The following GLE1 variants were observed in gnomAD, a reference collection of about 807,000 sequenced individuals.
The protein encoded by GLE1 is GLE1 RNA export mediator.
A neutral mutation model predicts 97.3 loss-of-function variants in GLE1; 78 were observed. The ratio of observed to expected loss-of-function variants is 0.80; its 90% CI spans 0.67 to 0.97. The LOEUF is 0.97. GLE1 is among the 50% of genes least tolerant of loss of function. The probability of loss-of-function intolerance (pLI) is 0.00; values close to 1 mark genes in which losing one functional copy is unlikely to be tolerated. For synonymous variants in GLE1, 302 were observed against 313.4 expected (o/e 0.96, Z 0.39); for missense variants, 753 against 857.5 (o/e 0.88, Z 1.52).
chr9:128,519,686 C>T (rs1179248363), intron 3 of GLE1, among the ~76,000 whole-genome samples: 1 of 152,128 alleles, frequency 6.6e-6, no homozygotes, highest in African/African-American at 2.4e-5. Flanking sequence ...GCGATCTCGC[C>T]CTGCCTCCAT....
Position 128,523,608 on chromosome 9 carries a change from T to C in GLE1, c.659T>C (p.Leu220Pro), listed in dbSNP as rs1847214355. 6.2e-7 allele frequency: 1 copy of C among 1,613,996 alleles called. No homozygotes were observed. Among genetic ancestry groups the C allele is most frequent in the Non-Finnish European group, 8.5e-7 (1 of 1,180,004 alleles). Residue 220 changes from leucine to proline, a missense_variant, in exon 6 of 16, where the codon CTG (leucine) becomes CCG (proline). Leu to Pro is a moderately conservative substitution (Grantham distance 98, BLOSUM62 -3). Transcript: ENST00000309971. Reference sequence around the variant, plus strand: ...TTTCTACAGATTCTCAACCTGAAGCTGCGGGAAGCAGAGCAGCAGCGCGTG... The same window carrying C: ...TTTCTACAGATTCTCAACCTGAAGCCGCGGGAAGCAGAGCAGCAGCGCGTG... ...RHRAKILNLK[L>P]REAEQQRVKQ...
chr9:128,517,518 G>A (rs1378724846), intron 3 of GLE1, among the ~76,000 whole-genome samples: 1 of 152,174 alleles, frequency 6.6e-6, no homozygotes, highest in South Asian at 2.1e-4. Flanking sequence ...GAAAGATGGT[G>A]GTTGCTTAGA....
chr9:128,541,857 C>A lies in GLE1; in HGVS notation c.*687C>A, dbSNP rs1390318142. On this transcript the variant is annotated 3_prime_UTR_variant, in exon 16 of 16. Coordinates refer to ENST00000309971, the MANE Select transcript of GLE1 (RefSeq NM_001003722.2). ...ATTTGGTCCCTGGATGGCTAGGGAT[C>A]CATGAACCAGGCAGGTACCTTTTTT... 1 of 152,186 alleles carries A rather than the reference C, an allele frequency of 6.6e-6. No individual in the cohort carries two copies. The highest frequency in any genetic ancestry group is 1.5e-5 in the Non-Finnish European group (1 of 68,064). 9.4% of individuals were successfully genotyped at this position (152,186 alleles called of 1,614,324 possible).
At chr9:128,524,331 C>T (rs923078968) in intron 6 of GLE1, among the ~76,000 whole-genome samples, 10 of 151,352 alleles carry the variant, frequency 6.6e-5, no homozygotes, top group Non-Finnish European at 8.8e-5. Flanking sequence ...CCCCCTACTT[C>T]GGCCTCCCAA....
chr9:128,505,498 T>G (rs1186509740), intron 1 of GLE1, among the ~76,000 whole-genome samples: 1 of 152,176 alleles, frequency 6.6e-6, no homozygotes, highest in Non-Finnish European at 1.5e-5. Flanking sequence ...AATCCTAAAG[T>G]ATTTCCCTGT....
At chr9:128,518,187 C>T (rs925661756) in intron 3 of GLE1, among the ~76,000 whole-genome samples, 9 of 150,740 alleles carry the variant, frequency 6.0e-5, no homozygotes, top group South Asian at 4.2e-4. Flanking sequence ...CTGTTAGTCA[C>T]GGTAGTCATA....
At position 128,527,366 on chromosome 9, in the gene GLE1, G is replaced by T. The variant is rs1217350964; in HGVS notation, c.1242+75G>T. On this transcript the variant is annotated intron_variant, in intron 8 of 15. Coordinates refer to ENST00000309971, the MANE Select transcript of GLE1 (RefSeq NM_001003722.2). ...AGAATGATCACTTCGTGTCCCAAAG[G>T]AATGTAGCTGGCATGTCACTTTACC... is the stretch of plus-strand genomic sequence containing the variant. 8 of 1,274,252 alleles carry T rather than the reference G, an allele frequency of 6.3e-6. No homozygotes were observed. In the African/African-American group the frequency reaches 1.0e-4, roughly 16 times the overall value. 78.9% of individuals were successfully genotyped at this position (1,274,252 alleles called of 1,614,324 possible).
At chr9:128,523,441 G>A (rs971017756) in intron 5 of GLE1, 101 bp downstream of exon 5, 50 of 1,374,746 alleles carry the variant, frequency 3.6e-5, no homozygotes, top group African/African-American at 5.7e-5. Context: ...GATCTGGGCC[G>A]TATTATGCCT....
intron 6 of GLE1, 93 bp downstream of exon 6, chr9:128,523,939 A>G: frequency 8.3e-7 from 1 of 1,207,158 alleles, no homozygotes; most frequent in South Asian, 1.3e-5. Context: ...AATACCTGCT[A>G]TCTGCTTATT....
At chr9:128,507,060 G>A (rs1846659809) in intron 1 of GLE1, among the ~76,000 whole-genome samples, 1 of 151,942 alleles carries the variant, frequency 6.6e-6, no homozygotes, top group Admixed American at 6.6e-5. Flanking sequence ...TCTGCCTCCA[G>A]TTCTGGAACT....
At position 128,542,052 on chromosome 9, in the gene GLE1, C is replaced by T. The variant is rs1847894374; in HGVS notation, c.*882C>T. 1 of 152,184 alleles carries T rather than the reference C, an allele frequency of 6.6e-6. No individual in the cohort carries two copies. The highest frequency in any genetic ancestry group is 1.5e-5 in the Non-Finnish European group (1 of 68,046). 9.4% of individuals were successfully genotyped at this position (152,184 alleles called of 1,614,324 possible). A position where few individuals can be genotyped will look rare whatever the true frequency, so the allele number is the denominator to read the frequency against. On this transcript the variant is annotated 3_prime_UTR_variant, in exon 16 of 16. Coordinates refer to ENST00000309971, the MANE Select transcript of GLE1 (RefSeq NM_001003722.2). ...GATGATAAATATGCCTGACTAAAGC[C>T]ACTACAGAAATCCAGAGATTGGCTG... is the stretch of plus-strand genomic sequence containing the variant.
intron 9 of GLE1, among the ~76,000 whole-genome samples, chr9:128,528,332 C>G (rs539542242): frequency 7.8e-6 from 1 of 127,466 alleles, no homozygotes; most frequent in Non-Finnish European, 1.6e-5. Flanking sequence ...GAGATGTAGT[C>G]TTGCTCTGTC....
chr9:128,523,229 A>G (rs1326939571), intron 4 of GLE1, 51 bp from the exon 5 acceptor site: 3 of 1,340,962 alleles, frequency 2.2e-6, no homozygotes, highest in African/African-American at 2.9e-5. Flanking sequence ...AGAAAGAAAA[A>G]CAATTTCAGG....
intron 2 of GLE1, among the ~76,000 whole-genome samples, chr9:128,513,293 A>T (rs1327648558): frequency 6.6e-6 from 1 of 151,896 alleles, no homozygotes; most frequent in East Asian, 1.9e-4. Context: ...TTGCCTCTCC[A>T]TTTCTCAGTT....
intron 3 of GLE1, among the ~76,000 whole-genome samples, chr9:128,516,284 C>T (rs930789627): frequency 1.3e-5 from 2 of 151,186 alleles, no homozygotes; most frequent in Non-Finnish European, 2.9e-5. Context: ...GAAAAAATAG[C>T]AGCACTATTT....
intron 3 of GLE1, among the ~76,000 whole-genome samples, chr9:128,517,545 G>GAAGATGCT (rs1847023716): frequency 6.6e-6 from 1 of 152,172 alleles, no homozygotes; most frequent in South Asian, 2.1e-4. Context: ...TGGTAGCAAT[G>GAAGATGCT]GAGATGGTGA....
chr9:128,533,696 G>A, intron 10 of GLE1, 41 bp downstream of exon 10: 1 of 1,612,892 alleles, frequency 6.2e-7, no homozygotes, highest in South Asian at 1.1e-5. Context: ...AGCAGAGGCT[G>A]GTGTACAAGA....
chr9:128,523,930 AT>A, intron 6 of GLE1, 84 bp downstream of exon 6: 5 of 1,312,130 alleles, frequency 3.8e-6, no homozygotes, highest in Non-Finnish European at 5.4e-6. Flanking sequence ...TTAAAAAGTA[AT>A]ACCTGCTATC....
chr9:128,530,306 C>A (rs900805137), intron 9 of GLE1, among the ~76,000 whole-genome samples: 9 of 152,204 alleles, frequency 5.9e-5, no homozygotes, highest in African/African-American at 1.9e-4. Flanking sequence ...AACCCATCAT[C>A]TTCCTTAGCC....
Sources: allele counts gnomAD v4.1 joint callset (sites outside exome capture counted in the v4.1 genomes callset), GRCh38; gene constraint gnomAD v4.1.1; transcripts MANE v1.5; gene names NCBI Gene and HGNC (gene_info 2026-07-23, HGNC 2026-07-21).